ACBD6: variants seen among roughly 807,000 people sequenced by gnomAD.
ACBD6 encodes the protein acyl-CoA binding domain containing 6.
A neutral mutation model predicts 37.2 loss-of-function variants in ACBD6; 28 were observed. The observed-to-expected ratio is 0.75, with a 90% CI of 0.56 to 1.03. The LOEUF (loss-of-function observed/expected upper bound fraction) is 1.03. ACBD6 is among the 50% of genes least tolerant of loss of function. The probability of loss-of-function intolerance (pLI) is 0.00; values close to 1 mark genes in which losing one functional copy is unlikely to be tolerated. For synonymous variants in ACBD6, 113 were observed against 126.8 expected, an observed-to-expected ratio of 0.89 and a Z score of 0.73; for missense variants, 340 against 337.4, an observed-to-expected ratio of 1.01 and a Z score of -0.06.
intron 6 of ACBD6, among the ~76,000 whole-genome samples, chr1:180,384,871 C>T (rs917545525): frequency 6.6e-6 from 1 of 152,042 alleles, no homozygotes; most frequent in Non-Finnish European, 1.5e-5. Flanking sequence ...GAACTGGAGG[C>T]CCTTATGTCA....
chr1:180,270,902 A>AC, exon 14 of ACBD6: 1 of 239,442 alleles, frequency 4.2e-6, no homozygotes, highest in Non-Finnish European at 8.4e-6. Context: ...GAGCCCAGCG[A>AC]CGCCAGGGCA....
chr1:180,345,890 A>G (rs1287991120), intron 6 of ACBD6, among the ~76,000 whole-genome samples: 2 of 152,188 alleles, frequency 1.3e-5, no homozygotes, highest in African/African-American at 4.8e-5. Flanking sequence ...AACAAGTGCT[A>G]TCTTTGTAAT....
At chr1:180,432,569 T>G (rs922546555) in intron 3 of ACBD6, among the ~76,000 whole-genome samples, 1 of 152,076 alleles carries the variant, frequency 6.6e-6, no homozygotes, top group African/African-American at 2.4e-5. Flanking sequence ...ACACACCTAT[T>G]GGAATGGCTA....
At chr1:180,354,633 A>G (rs1039709944) in intron 6 of ACBD6, among the ~76,000 whole-genome samples, 1 of 152,214 alleles carries the variant, frequency 6.6e-6, no homozygotes, top group South Asian at 2.1e-4. Context: ...AACAAAACCC[A>G]TGCATTCAAA....
chr1:180,282,972 G>GT (rs34828086), intron 8 of ACBD6, among the ~76,000 whole-genome samples: 44,133 of 109,100 alleles, frequency 0.4, 9,709 homozygotes, highest in Non-Finnish European at 0.51. Context: ...ATGTCTTTCT[G>GT]TTTTTTTTTT....
At chr1:180,313,561 A>G (rs1650675196) in intron 7 of ACBD6, among the ~76,000 whole-genome samples, 2 of 152,214 alleles carry the variant, frequency 1.3e-5, no homozygotes, top group African/African-American at 4.8e-5. Flanking sequence ...AAAAGTGTCC[A>G]GGGTCATTTG....
At chr1:180,482,483 A>G (rs552245544) in intron 3 of ACBD6, among the ~76,000 whole-genome samples, 1 of 152,016 alleles carries the variant, frequency 6.6e-6, no homozygotes, top group African/African-American at 2.4e-5. Context: ...CCGAGTAAAT[A>G]TAAAAGTTTT....
At chr1:180,332,732 G>A (rs1175411925) in intron 6 of ACBD6, among the ~76,000 whole-genome samples, 1 of 151,968 alleles carries the variant, frequency 6.6e-6, no homozygotes, top group African/African-American at 2.4e-5. Context: ...AATATAAAGT[G>A]CACAATAAAT....
intron 7 of ACBD6, among the ~76,000 whole-genome samples, chr1:180,299,509 G>C (rs1313223666): frequency 4.6e-5 from 7 of 152,190 alleles, no homozygotes; most frequent in Non-Finnish European, 1.0e-4. Context: ...TTTCCATTCA[G>C]AGCAGTGAGC....
intron 6 of ACBD6, among the ~76,000 whole-genome samples, chr1:180,340,449 A>G (rs1651935932): frequency 6.6e-6 from 1 of 152,068 alleles, no homozygotes; most frequent in Non-Finnish European, 1.5e-5. Context: ...AACATTTGAG[A>G]TCAAGTGGGT....
At chr1:180,435,034 G>T in intron 3 of ACBD6, 1 of 958,942 alleles carries the variant, frequency 1.0e-6, no homozygotes. Flanking sequence ...AATACACTAG[G>T]CACCGAGATT....
At chr1:180,345,808 C>A (rs1393016450) in intron 6 of ACBD6, among the ~76,000 whole-genome samples, 1 of 152,006 alleles carries the variant, frequency 6.6e-6, no homozygotes, top group East Asian at 1.9e-4. Flanking sequence ...GTTTTAAAAA[C>A]CTACCACAAT....
chr1:180,318,969 T>C (rs576236852), intron 6 of ACBD6, among the ~76,000 whole-genome samples: 1 of 152,230 alleles, frequency 6.6e-6, no homozygotes, highest in Non-Finnish European at 1.5e-5. Flanking sequence ...TGTCTATGCA[T>C]TTAAAGAGGT....
chr1:180,275,531 A>G (rs1571302827), intron 9 of ACBD6: 1 of 152,212 alleles, frequency 6.6e-6, no homozygotes, highest in Non-Finnish European at 1.5e-5. Context: ...AGAGTTCCCC[A>G]TCCCTTGTAG....
At chr1:180,421,844 C>A (rs1648377200) in intron 4 of ACBD6, among the ~76,000 whole-genome samples, 1 of 150,406 alleles carries the variant, frequency 6.6e-6, no homozygotes, top group Non-Finnish European at 1.5e-5. Context: ...ATGTCTTTTG[C>A]CCACTTTCTA....
intron 6 of ACBD6, among the ~76,000 whole-genome samples, chr1:180,349,535 G>A (rs1474705400): frequency 1.3e-5 from 2 of 151,652 alleles, no homozygotes; most frequent in Non-Finnish European, 1.5e-5. Context: ...GATTACAGGC[G>A]TGAGCCACCG....
At chr1:180,435,257 T>C (rs114573269) in intron 3 of ACBD6, 8,740 of 458,126 alleles carry the variant, frequency 0.019, 420 homozygotes, top group African/African-American at 0.13. Flanking sequence ...ACCAGATGCA[T>C]TTTTTTTTTG....
chr1:180,470,919 A>T (rs774624447), intron 3 of ACBD6, among the ~76,000 whole-genome samples: 2 of 152,230 alleles, frequency 1.3e-5, no homozygotes, highest in Non-Finnish European at 2.9e-5. Context: ...AAAATAATTG[A>T]CTGCTCAATT....
chr1:180,373,858 T>A (rs960602457), intron 6 of ACBD6, among the ~76,000 whole-genome samples: 7 of 152,288 alleles, frequency 4.6e-5, no homozygotes, highest in Non-Finnish European at 8.8e-5. Context: ...TAAAGCCATA[T>A]ACATTATCAA....
Sources: gnomAD v4.1 joint callset for allele counts (sites outside exome capture counted in the v4.1 genomes callset) on GRCh38, gnomAD v4.1.1 for gene constraint, MANE v1.5 for transcripts, NCBI Gene and HGNC (gene_info 2026-07-23, HGNC 2026-07-21) for gene names.